ZNF385B: variants seen among roughly 807,000 people sequenced by gnomAD.
The protein encoded by ZNF385B is zinc finger protein 533.
Under a neutral mutation model 39.2 loss-of-function variants are expected in ZNF385B, and 23 were observed. The ratio of observed to expected loss-of-function variants is 0.59; its 90% CI spans 0.42 to 0.83. ZNF385B has a LOEUF of 0.83. Ranked by LOEUF, ZNF385B falls within the 40% of genes least tolerant of loss-of-function variation. ZNF385B has a pLI of 0.00. For missense variants in ZNF385B, 552 were observed against 598.9 expected (o/e 0.92, Z 0.82); for synonymous variants, 205 against 222.6 (o/e 0.92, Z 0.70).
At chr2:179,806,518 C>G (rs1011938358) in intron 1 of ZNF385B, among the ~76,000 whole-genome samples, 2 of 152,146 alleles carry the variant, frequency 1.3e-5, no homozygotes, top group African/African-American at 4.8e-5. Flanking sequence ...CTGATTAGAG[C>G]CGTTAACCTT....
At chr2:179,723,220 A>G (rs1700801647) in intron 3 of ZNF385B, among the ~76,000 whole-genome samples, 1 of 152,194 alleles carries the variant, frequency 6.6e-6, no homozygotes, top group Non-Finnish European at 1.5e-5. Context: ...GGGCTATAGC[A>G]TAAAACAGAA....
At chr2:179,646,367 G>A (rs1227166008) in intron 3 of ZNF385B, among the ~76,000 whole-genome samples, 1 of 152,208 alleles carries the variant, frequency 6.6e-6, no homozygotes, top group Non-Finnish European at 1.5e-5. Flanking sequence ...AGCCGAGATT[G>A]CGCCACTGCA....
chr2:179,720,274 C>T (rs1296213650), intron 3 of ZNF385B, among the ~76,000 whole-genome samples: 2 of 151,806 alleles, frequency 1.3e-5, no homozygotes, highest in African/African-American at 4.8e-5. Context: ...GGAGTAACCA[C>T]CAAAAGAATA....
At position 179,487,193 on chromosome 2, in the gene ZNF385B, G is replaced by A. The variant is rs1197390001; in HGVS notation, c.553-3759C>T. Among the ~76,000 whole-genome samples the A allele has an allele frequency of 2.0e-5, 3 of 152,234 alleles. No homozygotes were observed. The East Asian group carries it at 5.8e-4, about 29-fold the overall frequency. Reference sequence around the variant, plus strand: ...ACTTGGGATGAGGATCCAGCTAAGTGACACTTCACTGGCCAAGATGGAAAA... The same window carrying A: ...ACTTGGGATGAGGATCCAGCTAAGTAACACTTCACTGGCCAAGATGGAAAA... On this transcript the variant is annotated intron_variant, in intron 5 of 9. Coordinates refer to ENST00000410066, the MANE Select transcript of ZNF385B (RefSeq NM_152520.6).
At chr2:179,736,568 G>GTGA (rs774330066) in intron 3 of ZNF385B, among the ~76,000 whole-genome samples, 1 of 152,198 alleles carries the variant, frequency 6.6e-6, no homozygotes, top group Non-Finnish European at 1.5e-5. Context: ...ATGATAAAAT[G>GTGA]TGATAATAAC....
rs188418421 is a variant in ZNF385B at position 179,456,116 on chromosome 2, C to T, written c.716-9346G>A. 1.9e-4 allele frequency among the ~76,000 whole-genome samples: 29 copies of T among 152,266 alleles called. No individual in the cohort carries two copies. In the East Asian group the frequency reaches 5.4e-3, roughly 28 times the overall value. On this transcript the variant is annotated intron_variant, in intron 6 of 9. Transcript: ENST00000410066. ...TGTAAAGGCTATCATGTTTGTACCT[C>T]ATTGAATTCATATATTCAATAAACC... is the stretch of plus-strand genomic sequence containing the variant.
intron 3 of ZNF385B, among the ~76,000 whole-genome samples, chr2:179,679,281 T>C (rs1431239482): frequency 6.6e-6 from 1 of 152,216 alleles, no homozygotes; most frequent in South Asian, 2.1e-4. Flanking sequence ...GGCTATACCA[T>C]CTAGGTTTAT....
At chr2:179,573,827 G>A (rs1448711199) in intron 3 of ZNF385B, among the ~76,000 whole-genome samples, 1 of 152,100 alleles carries the variant, frequency 6.6e-6, no homozygotes, top group Non-Finnish European at 1.5e-5. Flanking sequence ...TGCCTATGTG[G>A]CTTTGGATAA....
intron 3 of ZNF385B, among the ~76,000 whole-genome samples, chr2:179,628,355 C>G (rs1040335248): frequency 1.3e-5 from 2 of 152,108 alleles, no homozygotes; most frequent in Non-Finnish European, 2.9e-5. Flanking sequence ...AGTCCTCCCC[C>G]TTTTTTATCT....
chr2:179,656,619 A>G (rs1462624244), intron 3 of ZNF385B, among the ~76,000 whole-genome samples: 1 of 152,178 alleles, frequency 6.6e-6, no homozygotes, highest in African/African-American at 2.4e-5. Context: ...ACTCTGCAGG[A>G]TCATAGAGTG....
chr2:179,849,534 G>C (rs1188546367), intron 1 of ZNF385B, among the ~76,000 whole-genome samples: 1 of 152,202 alleles, frequency 6.6e-6, no homozygotes, highest in Non-Finnish European at 1.5e-5. Flanking sequence ...GAAATAGAAT[G>C]GGTGGGGTAA....
At chr2:179,828,924 A>G (rs1313842727) in intron 1 of ZNF385B, among the ~76,000 whole-genome samples, 7 of 152,170 alleles carry the variant, frequency 4.6e-5, no homozygotes, top group Non-Finnish European at 1.0e-4. Context: ...TTAAAAAGAA[A>G]GAAAGAGAAT....
At chr2:179,527,527 C>A (rs1030189730) in intron 4 of ZNF385B, among the ~76,000 whole-genome samples, 5 of 91,962 alleles carry the variant, frequency 5.4e-5, no homozygotes, top group African/African-American at 1.5e-4. Flanking sequence ...ATTTTCTGGT[C>A]ATTTTTTTTT....
intron 3 of ZNF385B, among the ~76,000 whole-genome samples, chr2:179,612,641 C>T (rs139003994): frequency 9.8e-5 from 15 of 152,292 alleles, no homozygotes; most frequent in African/African-American, 3.4e-4. Context: ...GTGACACAAG[C>T]ACCACCACTG....
chr2:179,680,534 T>C (rs971746723), intron 3 of ZNF385B, among the ~76,000 whole-genome samples: 8 of 152,134 alleles, frequency 5.3e-5, no homozygotes, highest in Admixed American at 2.6e-4. Context: ...TTGCTGGTAA[T>C]GTTCTATTTC....
At position 179,834,491 on chromosome 2, in the gene ZNF385B, C is replaced by CT. The variant is rs150472409; in HGVS notation, c.-155+26609dup. ...GATAGGAGTGAATGATAAATAATGA[C>CT]TTTTTTAAAAATTACTGAGTCCATA... is the stretch of plus-strand genomic sequence containing the variant. On this transcript the variant is annotated intron_variant, in intron 1 of 9. Transcript: ENST00000410066. Among the ~76,000 whole-genome samples the CT allele has an allele frequency of 8.0e-3, 1,223 of 152,174 alleles. 10 individuals are homozygous for CT. Among genetic ancestry groups the CT allele is most frequent in the African/African-American group, 0.028 (1,163 of 41,520 alleles).
At chr2:179,535,364 C>T (rs566307557) in intron 4 of ZNF385B, among the ~76,000 whole-genome samples, 5 of 152,282 alleles carry the variant, frequency 3.3e-5, no homozygotes, top group Admixed American at 6.5e-5. Flanking sequence ...AAAAATATTT[C>T]GCACATGAAT....
intron 6 of ZNF385B, among the ~76,000 whole-genome samples, chr2:179,466,915 CAA>C (rs777679885): frequency 1.3e-3 from 34 of 26,930 alleles, no homozygotes; most frequent in South Asian, 6.1e-3. Context: ...GCAAGACTGT[CAA>C]AAAAAAAAAA....
chr2:179,715,302 C>T (rs962406406), intron 3 of ZNF385B, among the ~76,000 whole-genome samples: 1 of 152,170 alleles, frequency 6.6e-6, no homozygotes, highest in Non-Finnish European at 1.5e-5. Flanking sequence ...CACTTGGAAC[C>T]ACTGATAATC....
Sources: allele counts gnomAD v4.1 joint callset (sites outside exome capture counted in the v4.1 genomes callset), GRCh38; gene constraint gnomAD v4.1.1; transcripts MANE v1.5; gene names NCBI Gene and HGNC (gene_info 2026-07-23, HGNC 2026-07-21).